PTPRS: variants seen among roughly 807,000 people sequenced by gnomAD.
PTPRS encodes the protein receptor-type tyrosine-protein phosphatase S.
Under a neutral mutation model 215.3 loss-of-function variants are expected in PTPRS, and 63 were observed. That is an observed-to-expected ratio of 0.29 (90% CI 0.24 to 0.36). The LOEUF is 0.36. Among genes scored for constraint, PTPRS ranks in the 10% least tolerant of loss-of-function variants. PTPRS has a pLI of 1.00. For missense variants in PTPRS, 2,258 were observed against 2,825.8 expected, an observed-to-expected ratio of 0.80 and a Z score of 4.56; for synonymous variants, 1,404 against 1,191.4, an observed-to-expected ratio of 1.18 and a Z score of -3.68.
intron 1 of PTPRS, among the ~76,000 whole-genome samples, chr19:5,302,938 C>A (rs919073502): frequency 6.7e-6 from 1 of 149,438 alleles, no homozygotes; most frequent in Non-Finnish European, 1.5e-5. Flanking sequence ...GGTGTGGTGG[C>A]GGGCGCCTGT....
At chr19:5,249,896 G>T (rs954342693) in intron 9 of PTPRS, among the ~76,000 whole-genome samples, 1 of 152,224 alleles carries the variant, frequency 6.6e-6, no homozygotes, top group African/African-American at 2.4e-5. Flanking sequence ...AAAAGACCCT[G>T]TTCCTGTTTG....
At chr19:5,224,799 G>C (rs1329167004) in intron 17 of PTPRS, among the ~76,000 whole-genome samples, 1 of 152,176 alleles carries the variant, frequency 6.6e-6, no homozygotes, top group African/African-American at 2.4e-5. Context: ...GGATGCTGGA[G>C]GACGCAGACA....
In PTPRS at chr19:5,336,267, G is replaced by C. The variant is rs1445622513; in HGVS notation, c.-95+4397C>G. ...CTTTTCTTTCCTTAAAGGAAAAGGG[G>C]GGGGGGCGGGGGGGAAACCACACAC... On this transcript the variant is annotated intron_variant, in intron 1 of 37. Coordinates refer to ENST00000262963, the MANE Select transcript of PTPRS (RefSeq NM_002850.4). Among the ~76,000 whole-genome samples the C allele has an allele frequency of 2.1e-5, 3 of 142,118 alleles. No individual in the cohort carries two copies. In the South Asian group the frequency reaches 7.7e-4, roughly 37 times the overall value. 93.2% of individuals were successfully genotyped at this position (142,118 alleles called of 152,430 possible). A position where few individuals can be genotyped will look rare whatever the true frequency, so the allele number is the denominator to read the frequency against.
rs2050568648 is a variant in PTPRS at position 5,338,201 on chromosome 19, G to A, written c.-95+2463C>T. Among the ~76,000 whole-genome samples, 1 of 152,208 alleles carries A rather than the reference G, an allele frequency of 6.6e-6. No homozygotes were observed. The highest frequency in any genetic ancestry group is 1.5e-5 in the Non-Finnish European group (1 of 68,030). The stretch of plus-strand genomic sequence containing the variant: ...TCTCTGTCACCCCCTGGGGGGTTAG[G>A]GGCAATGTCATCGGCCAGGGTGGCA... On this transcript the variant is annotated intron_variant, in intron 1 of 37. Coordinates refer to ENST00000262963, the MANE Select transcript of PTPRS (RefSeq NM_002850.4). This position sits in a 1 kb window ranked among gnomAD's most constrained non-coding sequence, Gnocchi z 4.2.
At chr19:5,253,493 C>A (rs918617582) in intron 9 of PTPRS, among the ~76,000 whole-genome samples, 1 of 152,140 alleles carries the variant, frequency 6.6e-6, no homozygotes, top group Non-Finnish European at 1.5e-5. Context: ...GCAAGGGTAG[C>A]CTTGTACTTA....
At chr19:5,273,612 A>G in intron 3 of PTPRS, 29 bp from the exon 4 acceptor site, 1 of 1,613,460 alleles carries the variant, frequency 6.2e-7, no homozygotes, top group Non-Finnish European at 8.5e-7. Context: ...AAAAGAACAG[A>G]GTGAGGCTGG....
intron 1 of PTPRS, among the ~76,000 whole-genome samples, chr19:5,334,402 C>T (rs965059767): frequency 4.6e-5 from 7 of 152,228 alleles, no homozygotes; most frequent in Non-Finnish European, 1.0e-4. Flanking sequence ...TGCTTACACA[C>T]GTTAACTCAT....
chr19:5,265,435 G>A (rs1222657715), intron 4 of PTPRS, among the ~76,000 whole-genome samples: 1 of 152,164 alleles, frequency 6.6e-6, no homozygotes, highest in Non-Finnish European at 1.5e-5. Flanking sequence ...TCAACAACCT[G>A]GGCTCAAGTG....
intron 4 of PTPRS, 59 bp downstream of exon 4, chr19:5,273,383 G>A (rs1261064625): frequency 6.2e-7 from 1 of 1,610,762 alleles, no homozygotes; most frequent in African/African-American, 1.3e-5. Context: ...TTCCTTTTGT[G>A]CTTGTCCCCA....
chr19:5,210,653 C>T lies in PTPRS; in HGVS notation c.5361+26G>A. On this transcript the variant is annotated intron_variant, in intron 34 of 37. Transcript: ENST00000262963. The surrounding 1 kb of genome is among the most constrained non-coding windows in gnomAD (Gnocchi z 4.5). ...TCTGAGCCACAGTCTGGCCCTCGCC[C>T]TTCCCTGCTGTGGCCCCTAGCTCAC... is the stretch of plus-strand genomic sequence containing the variant. The T allele has an allele frequency of 6.2e-7, 1 of 1,614,118 alleles. No homozygotes were observed.
chr19:5,207,831 G>A, intron 37 of PTPRS, 91 bp downstream of exon 37: 3 of 1,548,634 alleles, frequency 1.9e-6, no homozygotes, highest in Non-Finnish European at 2.6e-6. Flanking sequence ...AGTCCCAGGT[G>A]GCTGTACCCA....
At chr19:5,207,154 GGCTCCCTGC>G (rs1430653319) in intron 37 of PTPRS, among the ~76,000 whole-genome samples, 1 of 152,198 alleles carries the variant, frequency 6.6e-6, no homozygotes, top group East Asian at 1.9e-4. Flanking sequence ...GCGCCATCTT[GGCTCCCTGC>G]AACCTCTGTC....
chr19:5,306,452 ATTTTTT>A (rs369632213), intron 1 of PTPRS, among the ~76,000 whole-genome samples: 1 of 149,230 alleles, frequency 6.7e-6, no homozygotes, highest in South Asian at 2.1e-4. Context: ...GCCCAGGGTG[ATTTTTT>A]TTTTGTATGT....
At chr19:5,270,770 C>T (rs1285734914) in intron 4 of PTPRS, among the ~76,000 whole-genome samples, 4 of 152,066 alleles carry the variant, frequency 2.6e-5, no homozygotes, top group African/African-American at 7.2e-5. Flanking sequence ...CCCAAGAATC[C>T]GGGAGCTAGG....
At chr19:5,208,443 GT>G in intron 35 of PTPRS, 52 bp from the exon 36 acceptor site, 3 of 1,421,438 alleles carry the variant, frequency 2.1e-6, no homozygotes, top group South Asian at 1.6e-5. Flanking sequence ...GGCCATGGGG[GT>G]TTTTCTCCAT....
At chr19:5,248,738 A>G (rs1277030239) in intron 9 of PTPRS, among the ~76,000 whole-genome samples, 1 of 152,262 alleles carries the variant, frequency 6.6e-6, no homozygotes, top group Non-Finnish European at 1.5e-5. Context: ...TGAATCCCAT[A>G]GTAAACCTCT....
At chr19:5,273,700 G>C in intron 3 of PTPRS, 117 bp from the exon 4 acceptor site, 9 of 1,239,292 alleles carry the variant, frequency 7.3e-6, no homozygotes, top group South Asian at 1.4e-5. Context: ...GATCCTGGGG[G>C]TGACTGGGAG....
chr19:5,260,791 G>A lies in PTPRS; in HGVS notation c.595+14C>T. 6.2e-7 allele frequency: 1 copy of A among 1,613,730 alleles called. No individual in the cohort carries two copies. Among genetic ancestry groups the A allele is most frequent in the Non-Finnish European group, 8.5e-7 (1 of 1,179,750 alleles). ...AGCGAGCGTGAGTGGGTGGGTGAGT[G>A]AGGAGCCTCTTACCTCGAATCGGAG... On this transcript the variant is annotated intron_variant, in intron 7 of 37. Transcript: ENST00000262963.
chr19:5,226,689 C>G (rs1334363389), intron 16 of PTPRS, among the ~76,000 whole-genome samples: 12 of 152,054 alleles, frequency 7.9e-5, no homozygotes, highest in Non-Finnish European at 4.4e-5. Flanking sequence ...GCGGAGGTTG[C>G]AGTGAGCCAA....
Sources: allele counts gnomAD v4.1 joint callset (sites outside exome capture counted in the v4.1 genomes callset), GRCh38; gene constraint gnomAD v4.1.1; non-coding constraint Gnocchi (gnomAD v3.1); transcripts MANE v1.5; gene names NCBI Gene and HGNC (gene_info 2026-07-23, HGNC 2026-07-21).